Variants in PTPRF observed in about 807,000 individuals in gnomAD.
PTPRF encodes protein tyrosine phosphatase receptor type F.
PTPRF carries 59 observed loss-of-function variants against 201.8 expected under a neutral mutation model. That is an observed-to-expected ratio of 0.29 (90% CI 0.24 to 0.36). The LOEUF (loss-of-function observed/expected upper bound fraction) is 0.36. Among genes scored for constraint, PTPRF ranks in the 10% least tolerant of loss-of-function variants. The pLI is 1.00. For synonymous variants in PTPRF, 1,088 were observed against 1,089.7 expected, an observed-to-expected ratio of 1.00 and a Z score of 0.03; for missense variants, 2,132 against 2,690.5, an observed-to-expected ratio of 0.79 and a Z score of 4.59.
At chr1:43,582,252 CAGT>C in intron 7 of PTPRF, among the ~76,000 whole-genome samples, 1 of 152,376 alleles carries the variant, frequency 6.6e-6, no homozygotes, top group Middle Eastern at 3.4e-3. Flanking sequence ...ACTTGCTAGT[CAGT>C]AGCCTCTGCA....
chr1:43,555,980 T>C (rs1376022499), intron 5 of PTPRF, among the ~76,000 whole-genome samples: 1 of 152,252 alleles, frequency 6.6e-6, no homozygotes, highest in African/African-American at 2.4e-5. Context: ...CCTTTTGATA[T>C]TTCCAGAAGA....
chr1:43,578,993 G>T (rs781274052), intron 7 of PTPRF, 73 bp downstream of exon 7: 1 of 1,412,586 alleles, frequency 7.1e-7, no homozygotes. Context: ...TCTGCCCAGA[G>T]CCCTTGGTGC....
At chr1:43,613,950 C>T (rs1202403386) in intron 23 of PTPRF, among the ~76,000 whole-genome samples, 1 of 152,184 alleles carries the variant, frequency 6.6e-6, no homozygotes, top group African/African-American at 2.4e-5. Flanking sequence ...GAGATGGTTT[C>T]AAAAGGCTGT....
chr1:43,618,263 T>C (rs1320755914), intron 25 of PTPRF, among the ~76,000 whole-genome samples: 1 of 152,044 alleles, frequency 6.6e-6, no homozygotes, highest in Non-Finnish European at 1.5e-5. Context: ...AGTTAATTAG[T>C]GGAAAGAGCT....
chr1:43,529,669 T>C (rs1307967321), upstream of PTPRF, among the ~76,000 whole-genome samples: 1 of 151,892 alleles, frequency 6.6e-6, no homozygotes, highest in Admixed American at 6.6e-5. Flanking sequence ...AGAGCTGGTG[T>C]GGCTTTGGCT....
At chr1:43,608,338 A>G (rs149103154) in intron 21 of PTPRF, among the ~76,000 whole-genome samples, 1 of 152,190 alleles carries the variant, frequency 6.6e-6, no homozygotes, top group Non-Finnish European at 1.5e-5. Flanking sequence ...CAAGAAAGGT[A>G]GGAGTTGTTC....
rs1472887427 is a variant in PTPRF, at chr1:43,623,331, TCAGTCCTTATTATCC to T, written c.*1332_*1346del. 6.6e-6 allele frequency: 1 copy of T among 152,608 alleles called. No homozygotes were observed. Among genetic ancestry groups the T allele is most frequent in the African/African-American group, 2.4e-5 (1 of 41,430 alleles). 9.5% of individuals were successfully genotyped at this position (152,608 alleles called of 1,614,324 possible). On this transcript the variant is annotated 3_prime_UTR_variant, in exon 34 of 34. Transcript: ENST00000359947. ...TGGACTTCTATCAATGGTACTCTAA[TCAGTCCTTATTATCC>T]CAGCTTGCTGAGGGGCAGGGAGAGC... is the stretch of plus-strand genomic sequence containing the variant.
At chr1:43,575,455 T>C (rs1646858674) in intron 6 of PTPRF, among the ~76,000 whole-genome samples, 1 of 152,162 alleles carries the variant, frequency 6.6e-6, no homozygotes, top group African/African-American at 2.4e-5. Context: ...TGGCAAGCCC[T>C]CCCTTTAGCC....
In PTPRF at chr1:43,606,400, C is replaced by T. The variant is rs753268231; in HGVS notation, c.3644C>T (p.Ser1215Phe). The change falls in exon 20 of 34, where the codon TCT (serine) becomes TTT (phenylalanine). Residue 1215 changes from serine to phenylalanine, a missense_variant. By Grantham distance (155) the Ser-to-Phe change is radical. Coordinates refer to ENST00000359947, the MANE Select transcript of PTPRF (RefSeq NM_002840.5). ...CGGGGCTTCTACAACCGGCCCCTGT[C>T]TCCGGACTTGAGCTACCAGTGCTTT... is the stretch of plus-strand genomic sequence containing the variant. ...NYRGFYNRPL[S>F]PDLSYQCFVL... is the part of the protein sequence containing the mutation. The T allele has an allele frequency of 3.2e-5, 52 of 1,614,188 alleles. No individual in the cohort carries two copies. Among genetic ancestry groups the T allele is most frequent in the Non-Finnish European group, 4.4e-5 (52 of 1,180,028 alleles).
rs1304403126 is a variant in PTPRF, at chr1:43,606,332, T to C, written c.3576T>C (p.Asp1192=). Residue 1192 remains aspartate, a synonymous_variant, in exon 20 of 34, where the codon GAT becomes GAC. Transcript: ENST00000359947. ...AGCCATATGTGGCTGCTCAACTGGA[T>C]GTGCTCCCGGAGACCTTTACCTTGG... ...RLKPYVAAQL[D]VLPETFTLGD... 2 of 1,614,012 alleles carry C rather than the reference T, an allele frequency of 1.2e-6. No individual in the cohort carries two copies. Among genetic ancestry groups the C allele is most frequent in the Non-Finnish European group, 1.7e-6 (2 of 1,180,030 alleles).
rs74867737 is a variant in PTPRF at position 43,534,769 on chromosome 1, G to A, written c.-125-3429G>A. ...GCTGTATGAGAGACCATAGAGCTGTGCACCTCGAGAGAAAGTAACCTCCGA... is the reference window on the plus strand; with the variant it reads ...GCTGTATGAGAGACCATAGAGCTGTACACCTCGAGAGAAAGTAACCTCCGA... On this transcript the variant is annotated intron_variant, in intron 1 of 33. Transcript: ENST00000359947. Among the ~76,000 whole-genome samples, 937 of 152,280 alleles carry A rather than the reference G, an allele frequency of 6.2e-3. 8 individuals are homozygous for A. The highest frequency in any genetic ancestry group is 0.048 in the Middle Eastern group (14 of 294).
In PTPRF at chr1:43,609,515, G is replaced by A; in HGVS notation, c.3973+17G>A. The A allele has an allele frequency of 6.3e-7, 1 of 1,595,620 alleles. No individual in the cohort carries two copies. Among genetic ancestry groups the A allele is most frequent in the Non-Finnish European group, 8.6e-7 (1 of 1,165,768 alleles). On this transcript the variant is annotated intron_variant, in intron 22 of 33. Transcript: ENST00000359947. Reference sequence around the variant, plus strand: ...AGACCCCAGGTAGGGCACTCCTATGGCCTGTGTGCCCCCAGCCCAGACCTA... The same window carrying A: ...AGACCCCAGGTAGGGCACTCCTATGACCTGTGTGCCCCCAGCCCAGACCTA...
Position 43,578,912 on chromosome 1 carries a change from A to G in PTPRF, c.671A>G (p.Tyr224Cys). ...GTRYSAPANLYVRVRRVAPRF... is the reference protein window; with the variant it reads ...GTRYSAPANLCVRVRRVAPRF... ...CGTTACTCAGCCCCTGCGAACCTGT[A>G]TGTGCGAGGTAAGGACTCAGGCAGT... is the stretch of plus-strand genomic sequence containing the variant. The change falls in exon 7 of 34, where the codon TAT (tyrosine) becomes TGT (cysteine). Residue 224 changes from tyrosine to cysteine, a missense_variant. Physicochemically the swap from Tyr to Cys is radical, Grantham distance 194. Coordinates refer to ENST00000359947, the MANE Select transcript of PTPRF (RefSeq NM_002840.5). 6.2e-7 allele frequency: 1 copy of G among 1,614,162 alleles called. No individual in the cohort carries two copies. Among genetic ancestry groups the G allele is most frequent in the Non-Finnish European group, 8.5e-7 (1 of 1,180,004 alleles).
intron 2 of PTPRF, among the ~76,000 whole-genome samples, chr1:43,541,329 C>T (rs1644349145): frequency 6.6e-6 from 1 of 152,232 alleles, no homozygotes; most frequent in Non-Finnish European, 1.5e-5. Context: ...GTTCTCCAGC[C>T]AGGGAAGCCC....
At chr1:43,599,183 C>T (rs1165122021) in intron 13 of PTPRF, among the ~76,000 whole-genome samples, 1 of 152,134 alleles carries the variant, frequency 6.6e-6, no homozygotes, top group East Asian at 1.9e-4. Context: ...TCAAGCAATT[C>T]TCCTTCCTCA....
upstream of PTPRF, among the ~76,000 whole-genome samples, chr1:43,525,548 A>G (rs892630157): frequency 6.6e-6 from 1 of 152,054 alleles, no homozygotes; most frequent in Admixed American, 6.5e-5. Context: ...CACGCCTGTA[A>G]TCCCAGCATG....
At chr1:43,621,381 G>A in intron 33 of PTPRF, 149 bp downstream of exon 33, 1 of 1,144,928 alleles carries the variant, frequency 8.7e-7, no homozygotes. Context: ...GGTGGTGTGT[G>A]CTTATGGTCC....
rs1263697454 is a variant in PTPRF at position 43,620,092 on chromosome 1, C to T, written c.5112-3C>T. 24 of 1,613,902 alleles carry T rather than the reference C, an allele frequency of 1.5e-5. No homozygotes were observed. The highest frequency in any genetic ancestry group is 2.0e-5 in the Non-Finnish European group (24 of 1,179,932). On this transcript the variant is annotated splice_region_variant and splice_polypyrimidine_tract_variant and intron_variant, in intron 29 of 33. Coordinates refer to ENST00000359947, the MANE Select transcript of PTPRF (RefSeq NM_002840.5). The stretch of plus-strand genomic sequence containing the variant: ...AGCATGTCCAGTCTTATGTCCACCC[C>T]AGACAGCAGAAGGCCTACATAGCTA...
chr1:43,596,498 CA>C (rs1652302748), intron 11 of PTPRF, among the ~76,000 whole-genome samples: 1 of 152,154 alleles, frequency 6.6e-6, no homozygotes, highest in South Asian at 2.1e-4. Context: ...CACAAGGAGA[CA>C]CGTGTCTGCC....
Sources: gnomAD v4.1 joint callset for allele counts (sites outside exome capture counted in the v4.1 genomes callset) on GRCh38, gnomAD v4.1.1 for gene constraint, MANE v1.5 for transcripts, NCBI Gene and HGNC (gene_info 2026-07-23, HGNC 2026-07-21) for gene names.